The following GNAQ variants were observed in gnomAD, a reference collection of about 807,000 sequenced individuals.
GNAQ encodes the protein G protein subunit alpha q.
Under a neutral mutation model 43.9 loss-of-function variants are expected in GNAQ, and 8 were observed. The observed-to-expected ratio is 0.18, with a 90% CI of 0.11 to 0.33. GNAQ has a LOEUF of 0.33. GNAQ is among the 10% of genes least tolerant of loss of function. The pLI is 1.00. For missense variants in GNAQ, 158 were observed against 450.8 expected (o/e 0.35, Z 5.88); for synonymous variants, 155 against 170.7 (o/e 0.91, Z 0.71).
intron 1 of GNAQ, among the ~76,000 whole-genome samples, chr9:77,992,715 C>T (rs532571410): frequency 1.1e-4 from 16 of 152,112 alleles, no homozygotes; most frequent in African/African-American, 2.9e-4. Flanking sequence ...AGGCTGAAGG[C>T]GGGTGGATCA....
intron 3 of GNAQ, among the ~76,000 whole-genome samples, chr9:77,810,815 A>T (rs1016034812): frequency 6.6e-6 from 1 of 152,184 alleles, no homozygotes; most frequent in Non-Finnish European, 1.5e-5. Context: ...CACTGTAGTA[A>T]ATGTGATGAC....
At chr9:77,821,895 GGTATGGTCT>G (rs1452260635) in intron 2 of GNAQ, among the ~76,000 whole-genome samples, 5 of 151,880 alleles carry the variant, frequency 3.3e-5, no homozygotes, top group African/African-American at 1.2e-4. Flanking sequence ...AAACAATTAG[GGTATGGTCT>G]GTATGACTAC....
At chr9:77,998,455 T>C (rs1366572512) in intron 1 of GNAQ, among the ~76,000 whole-genome samples, 1 of 152,216 alleles carries the variant, frequency 6.6e-6, no homozygotes, top group African/African-American at 2.4e-5. Flanking sequence ...CCAGTTCTTA[T>C]GCAAGAAAAA....
intron 2 of GNAQ, among the ~76,000 whole-genome samples, chr9:77,902,231 A>T (rs1485704889): frequency 6.6e-6 from 1 of 152,262 alleles, no homozygotes; most frequent in African/African-American, 2.4e-5. Flanking sequence ...AATTTGTAAA[A>T]ATATATTTGT....
chr9:77,971,668 A>G (rs991715961), intron 1 of GNAQ, among the ~76,000 whole-genome samples: 2 of 152,240 alleles, frequency 1.3e-5, no homozygotes, highest in African/African-American at 4.8e-5. Flanking sequence ...CACACCGCCA[A>G]TATCATACTG....
intron 1 of GNAQ, among the ~76,000 whole-genome samples, chr9:77,977,167 A>G (rs1271348350): frequency 6.6e-6 from 1 of 152,144 alleles, no homozygotes; most frequent in African/African-American, 2.4e-5. Context: ...GCAACTATTT[A>G]TAAAGCCTCC....
chr9:77,913,246 G>C (rs1042236562), intron 2 of GNAQ, among the ~76,000 whole-genome samples: 1 of 151,426 alleles, frequency 6.6e-6, no homozygotes, highest in Non-Finnish European at 1.5e-5. Context: ...GTTTATATTT[G>C]CAGTATTTTT....
intron 1 of GNAQ, among the ~76,000 whole-genome samples, chr9:77,949,352 G>A (rs1270888469): frequency 6.6e-6 from 1 of 152,188 alleles, no homozygotes; most frequent in Non-Finnish European, 1.5e-5. Context: ...ACTGGGGAGT[G>A]AGACAGATTG....
intron 2 of GNAQ, among the ~76,000 whole-genome samples, chr9:77,817,548 T>A (rs1827038816): frequency 6.6e-6 from 1 of 152,174 alleles, no homozygotes; most frequent in Non-Finnish European, 1.5e-5. Flanking sequence ...TTCCTCTTTA[T>A]AACTTAATTT....
At chr9:77,936,448 G>A (rs955673542) in intron 1 of GNAQ, among the ~76,000 whole-genome samples, 4 of 151,884 alleles carry the variant, frequency 2.6e-5, no homozygotes, top group Admixed American at 2.6e-4. Flanking sequence ...TTAAAAAAAC[G>A]ATCAGAAACC....
chr9:77,904,061 C>T (rs1199270655), intron 2 of GNAQ, among the ~76,000 whole-genome samples: 2 of 152,154 alleles, frequency 1.3e-5, no homozygotes, highest in African/African-American at 4.8e-5. Flanking sequence ...GGCTTTCTGG[C>T]AAGCTGGATC....
intron 5 of GNAQ, among the ~76,000 whole-genome samples, chr9:77,785,566 T>A (rs998022858): frequency 3.9e-5 from 6 of 152,218 alleles, no homozygotes; most frequent in Non-Finnish European, 8.8e-5. Context: ...AGATGGTGAC[T>A]ACATGGATGT....
intron 1 of GNAQ, among the ~76,000 whole-genome samples, chr9:77,977,577 A>C (rs1055105952): frequency 6.6e-6 from 1 of 152,024 alleles, no homozygotes; most frequent in Non-Finnish European, 1.5e-5. Flanking sequence ...AAGCTCAGCC[A>C]CTCCTCAGAC....
intron 1 of GNAQ, among the ~76,000 whole-genome samples, chr9:77,933,254 T>C (rs1829178030): frequency 6.6e-6 from 1 of 152,166 alleles, no homozygotes; most frequent in Admixed American, 6.5e-5. Flanking sequence ...CTGCAAAACC[T>C]GATTTGCAAT....
chr9:77,961,299 C>T (rs535691946), intron 1 of GNAQ, among the ~76,000 whole-genome samples: 1 of 152,266 alleles, frequency 6.6e-6, no homozygotes, highest in South Asian at 2.1e-4. Context: ...TTCCACACAA[C>T]AACATGGCAA....
intron 2 of GNAQ, among the ~76,000 whole-genome samples, chr9:77,817,934 A>G (rs1404591559): frequency 6.6e-6 from 1 of 152,104 alleles, no homozygotes; most frequent in East Asian, 1.9e-4. Context: ...CAAAATAAAC[A>G]TGGCACTTTT....
At chr9:77,899,588 G>GA (rs927553159) in intron 2 of GNAQ, among the ~76,000 whole-genome samples, 3 of 151,592 alleles carry the variant, frequency 2.0e-5, no homozygotes, top group African/African-American at 4.8e-5. Flanking sequence ...ACATGACTAG[G>GA]AAAAAAAAGG....
At chr9:77,775,077 C>T (rs200537775) in intron 5 of GNAQ, among the ~76,000 whole-genome samples, 4 of 152,166 alleles carry the variant, frequency 2.6e-5, no homozygotes, top group South Asian at 4.2e-4. Context: ...ATATCATGAG[C>T]GACTTTCTGT....
chr9:77,939,306 C>A (rs1387459055), intron 1 of GNAQ, among the ~76,000 whole-genome samples: 1 of 152,212 alleles, frequency 6.6e-6, no homozygotes, highest in Non-Finnish European at 1.5e-5. Flanking sequence ...TTAATGCATG[C>A]AACGGCTACG....
Sources: allele counts gnomAD v4.1 joint callset (sites outside exome capture counted in the v4.1 genomes callset), GRCh38; gene constraint gnomAD v4.1.1; transcripts MANE v1.5; gene names NCBI Gene and HGNC (gene_info 2026-07-23, HGNC 2026-07-21).